The following SMO variants were observed in gnomAD, a reference collection of about 807,000 sequenced individuals.
SMO encodes the protein protein smoothened.
Under a neutral mutation model 81.6 loss-of-function variants are expected in SMO, and 40 were observed. The observed-to-expected ratio is 0.49, with a 90% CI of 0.38 to 0.64. The LOEUF is 0.64. SMO is among the 30% of genes least tolerant of loss of function. The probability of loss-of-function intolerance (pLI) is 0.00; values close to 1 mark genes in which losing one functional copy is unlikely to be tolerated. For missense variants in SMO, 916 were observed against 1,061.1 expected, an observed-to-expected ratio of 0.86 and a Z score of 1.90; for synonymous variants, 434 against 432.1, an observed-to-expected ratio of 1.00 and a Z score of -0.05.
chr7:129,195,195 C>A (rs1278581212), intron 1 of SMO, among the ~76,000 whole-genome samples: 1 of 152,218 alleles, frequency 6.6e-6, no homozygotes, highest in Non-Finnish European at 1.5e-5. Flanking sequence ...GCACAAGTTC[C>A]TTCAGGTATA....
chr7:129,196,782 C>G (rs572495977), intron 1 of SMO, among the ~76,000 whole-genome samples: 31 of 151,860 alleles, frequency 2.0e-4, no homozygotes, highest in Non-Finnish European at 4.1e-4. Context: ...CTTCGGGAGG[C>G]CAAGGCAGGG....
intron 2 of SMO, among the ~76,000 whole-genome samples, chr7:129,204,653 C>CTA (rs1793728947): frequency 6.7e-6 from 1 of 150,088 alleles, no homozygotes; most frequent in Admixed American, 6.6e-5. Flanking sequence ...CTCTCTCTTT[C>CTA]TATATATATA....
intron 3 of SMO, 59 bp downstream of exon 3, chr7:129,205,471 A>G (rs2150648724): frequency 6.4e-7 from 1 of 1,573,268 alleles, no homozygotes; most frequent in East Asian, 2.3e-5. Context: ...GAAGAGAGCC[A>G]GAGGGAAGGG....
At chr7:129,203,229 G>T (rs1261145850) in intron 1 of SMO, among the ~76,000 whole-genome samples, 155 bp from the exon 2 acceptor site, 1 of 152,230 alleles carries the variant, frequency 6.6e-6, no homozygotes. Flanking sequence ...ATAAAGAACT[G>T]TCCTGCCCAG....
intron 1 of SMO, among the ~76,000 whole-genome samples, chr7:129,199,958 T>C (rs1793643815): frequency 6.6e-6 from 1 of 152,226 alleles, no homozygotes; most frequent in Non-Finnish European, 1.5e-5. Flanking sequence ...GCTTTGTGCA[T>C]ATAAGGAAAT....
chr7:129,205,542 T>C (rs2150648803), intron 3 of SMO, 68 bp from the exon 4 acceptor site: 1 of 1,538,084 alleles, frequency 6.5e-7, no homozygotes, highest in Admixed American at 1.7e-5. Context: ...GGTCTGGGGC[T>C]CAGTTAAGGG....
At chr7:129,204,236 G>A (rs1584660611) in intron 2 of SMO, among the ~76,000 whole-genome samples, 1 of 152,256 alleles carries the variant, frequency 6.6e-6, no homozygotes, top group South Asian at 2.1e-4. Flanking sequence ...GGGAGGCTGA[G>A]ACACGAGAAT....
chr7:129,212,630 C>T lies in SMO; in HGVS notation c.*179C>T. On this transcript the variant is annotated 3_prime_UTR_variant, in exon 12 of 12. Transcript: ENST00000249373. The surrounding 1 kb of genome is among the most constrained non-coding windows in gnomAD (Gnocchi z 5.0). ...AGCAGGACTGTGGGAAAGAGCCTAACATCTCCATGGGGAGGCCTCACCCCA... is the reference window on the plus strand; with the variant it reads ...AGCAGGACTGTGGGAAAGAGCCTAATATCTCCATGGGGAGGCCTCACCCCA... 1.6e-6 allele frequency: 1 copy of T among 638,934 alleles called. No individual in the cohort carries two copies. Among genetic ancestry groups the T allele is most frequent in the South Asian group, 2.0e-5 (1 of 50,190 alleles). The allele number at this position is 638,934 out of a possible 1,614,324, so 39.6% of individuals were successfully genotyped here.
intron 2 of SMO, 95 bp from the exon 3 acceptor site, chr7:129,205,108 C>T: frequency 9.1e-7 from 1 of 1,102,192 alleles, no homozygotes; most frequent in Non-Finnish European, 1.4e-6. Context: ...AGTGTATCTC[C>T]AGCCACCCTG....
intron 1 of SMO, among the ~76,000 whole-genome samples, chr7:129,196,328 T>TGTGA (rs1491095952): frequency 4.8e-4 from 2 of 4,166 alleles, no homozygotes; most frequent in Non-Finnish European, 3.1e-3. Context: ...TATTCTTGAT[T>TGTGA]GTGTGTGTGT....
chr7:129,212,519 G>A lies in SMO; in HGVS notation c.*68G>A, dbSNP rs1267823404. On this transcript the variant is annotated 3_prime_UTR_variant, in exon 12 of 12. Coordinates refer to ENST00000249373, the MANE Select transcript of SMO (RefSeq NM_005631.5). The surrounding 1 kb of genome is among the most constrained non-coding windows in gnomAD (Gnocchi z 5.0). ...ACCTTCAAGGCTCTTCTTCCTCACCGAGCATGCTTCCCTAGGATCCCGTCT... is the reference window on the plus strand; with the variant it reads ...ACCTTCAAGGCTCTTCTTCCTCACCAAGCATGCTTCCCTAGGATCCCGTCT... 11 of 1,449,222 alleles carry A rather than the reference G, an allele frequency of 7.6e-6. No homozygotes were observed. Among genetic ancestry groups the A allele is most frequent in the Admixed American group, 3.9e-5 (2 of 51,800 alleles). The allele number at this position is 1,449,222 out of a possible 1,614,324, so 89.8% of individuals were successfully genotyped here.
chr7:129,205,702 C>T lies in SMO; in HGVS notation c.840C>T (p.Gly280=), dbSNP rs747172341. ...CGTGCTTCTTTGTGGGCAGCATTGG[C>T]TGGCTGGCCCAGTTCATGGATGGTG... ...VNACFFVGSI[G]WLAQFMDGAR... The change falls in exon 4 of 12, where the codon GGC becomes GGT. Residue 280 remains glycine, a synonymous_variant. Transcript: ENST00000249373. The T allele has an allele frequency of 6.2e-7, 1 of 1,613,376 alleles. No individual in the cohort carries two copies. The highest frequency in any genetic ancestry group is 1.7e-5 in the Admixed American group (1 of 60,032).
At chr7:129,196,322 C>G (rs937199931) in intron 1 of SMO, among the ~76,000 whole-genome samples, 3 of 80,764 alleles carry the variant, frequency 3.7e-5, no homozygotes, top group Non-Finnish European at 7.9e-5. Context: ...CTGAGCTATT[C>G]TTGATTGTGT....
chr7:129,199,043 G>C (rs1793624059), intron 1 of SMO, among the ~76,000 whole-genome samples: 3 of 152,116 alleles, frequency 2.0e-5, no homozygotes, highest in African/African-American at 7.2e-5. Flanking sequence ...GTGAACATGT[G>C]AAGTAGAAGT....
chr7:129,192,350 A>G (rs1218635055), intron 1 of SMO, among the ~76,000 whole-genome samples: 1 of 152,194 alleles, frequency 6.6e-6, no homozygotes, highest in Non-Finnish European at 1.5e-5. Flanking sequence ...ATTGTGAGAG[A>G]TAAGACCTAA....
At position 129,203,625 on chromosome 7, in the gene SMO, G is replaced by A. The variant is rs1379321670; in HGVS notation, c.537+36G>A. The A allele has an allele frequency of 3.2e-6, 5 of 1,541,758 alleles. No homozygotes were observed. In the South Asian group the frequency reaches 3.5e-5, roughly 11 times the overall value. On this transcript the variant is annotated intron_variant, in intron 2 of 11. Transcript: ENST00000249373. ...TGTGAGACAAGGTCCAGGCTCTCTG[G>A]GTTGGGCAGGACCGGGTATAGGGCA...
rs370601251 is a variant in SMO at position 129,206,567 on chromosome 7, G to A, written c.1244G>A (p.Gly415Glu). ...CCAATCGGCCTGGTGCTCATCGTGG[G>A]AGGCTACTTCCTCATCCGAGGTGAG... ...LAPIGLVLIV[G>E]GYFLIRGVMT... Residue 415 changes from glycine to glutamate, a missense_variant, in exon 6 of 12, where the codon GGA becomes GAA. Coordinates refer to ENST00000249373, the MANE Select transcript of SMO (RefSeq NM_005631.5). This position sits in a 1 kb window ranked among gnomAD's most constrained non-coding sequence, Gnocchi z 4.4. 6.2e-6 allele frequency: 10 copies of A among 1,614,044 alleles called. No individual in the cohort carries two copies. The African/African-American group carries it at 1.3e-4, about 22-fold the overall frequency.
rs1008359432 is a variant in SMO at position 129,210,396 on chromosome 7, C to T, written c.1500C>T (p.Thr500=). 4 of 1,613,828 alleles carry T rather than the reference C, an allele frequency of 2.5e-6. No homozygotes were observed. In the African/African-American group the frequency reaches 4.0e-5, roughly 16 times the overall value. ...CQANVTIGLP[T]KQPIPDCEIK... is the part of the protein sequence containing the mutation. The stretch of plus-strand genomic sequence containing the variant: ...CCAATGTGACCATCGGGCTGCCCAC[C>T]AAGCAGCCCATCCCTGACTGTGAGA... Residue 500 remains threonine (T), a synonymous_variant, in exon 9 of 12, where the codon ACC becomes ACT. Coordinates refer to ENST00000249373, the MANE Select transcript of SMO (RefSeq NM_005631.5). The surrounding 1 kb of genome is among the most constrained non-coding windows in gnomAD (Gnocchi z 4.7).
At chr7:129,195,839 C>T (rs904449669) in intron 1 of SMO, among the ~76,000 whole-genome samples, 2 of 152,088 alleles carry the variant, frequency 1.3e-5, no homozygotes, top group African/African-American at 4.8e-5. Context: ...TGGTGGCTCA[C>T]ACCTGTAATC....
Sources: gnomAD v4.1 joint callset for allele counts (sites outside exome capture counted in the v4.1 genomes callset) on GRCh38, gnomAD v4.1.1 for gene constraint, Gnocchi (gnomAD v3.1) non-coding constraint, MANE v1.5 for transcripts, NCBI Gene and HGNC (gene_info 2026-07-23, HGNC 2026-07-21) for gene names.